DNER: variants seen among roughly 807,000 people sequenced by gnomAD.
DNER encodes the protein delta/notch like EGF repeat containing.
Under a neutral mutation model 78.2 loss-of-function variants are expected in DNER, and 33 were observed. That is an observed-to-expected ratio of 0.42 (90% CI 0.32 to 0.56). DNER has a LOEUF of 0.56. Ranked by LOEUF, DNER falls within the 20% of genes least tolerant of loss-of-function variation. DNER has a pLI of 0.11. For synonymous variants in DNER, 417 were observed against 384.8 expected (o/e 1.08, Z -0.98); for missense variants, 918 against 975.3 (o/e 0.94, Z 0.78).
At chr2:229,426,156 T>TG (rs1486769568) in intron 8 of DNER, among the ~76,000 whole-genome samples, 9 of 151,964 alleles carry the variant, frequency 5.9e-5, no homozygotes, top group Non-Finnish European at 1.0e-4. Context: ...GTTAAAGATA[T>TG]GGGGGCCGGG....
chr2:229,503,428 GA>G lies in DNER; in HGVS notation c.1147+9354del, dbSNP rs150983427. Reference sequence around the variant, plus strand: ...GTTGAGTAAAAATAAATGACAAATGGAAAAAGGAGAAATAGTAGCTGAGGGT... The same window carrying G: ...GTTGAGTAAAAATAAATGACAAATGGAAAAGGAGAAATAGTAGCTGAGGGT... On this transcript the variant is annotated intron_variant, in intron 6 of 12. Transcript: ENST00000341772. Among the ~76,000 whole-genome samples the G allele has an allele frequency of 4.5e-4, 69 of 152,236 alleles. No individual in the cohort carries two copies. The East Asian group carries it at 0.013, about 28-fold the overall frequency.
In DNER at chr2:229,662,301, C is replaced by G. The variant is rs946130412; in HGVS notation, c.276+51847G>C. Among the ~76,000 whole-genome samples the G allele has an allele frequency of 2.0e-5, 3 of 152,134 alleles. No individual in the cohort carries two copies. The South Asian group carries it at 6.2e-4, about 31-fold the overall frequency. On this transcript the variant is annotated intron_variant, in intron 1 of 12. Transcript: ENST00000341772. ...TCATTGATTCTGTGTCTTGGAGCAGCCTCATCCAAAAGGGTACACTGTTGA... is the reference window on the plus strand; with the variant it reads ...TCATTGATTCTGTGTCTTGGAGCAGGCTCATCCAAAAGGGTACACTGTTGA...
chr2:229,516,753 C>A (rs1695980605), intron 5 of DNER, among the ~76,000 whole-genome samples: 2 of 146,014 alleles, frequency 1.4e-5, no homozygotes, highest in Non-Finnish European at 1.5e-5. Context: ...CCACTGCACT[C>A]TAGCCTGGGT....
At chr2:229,556,866 A>C (rs1441300148) in intron 4 of DNER, among the ~76,000 whole-genome samples, 2 of 152,220 alleles carry the variant, frequency 1.3e-5, no homozygotes, top group Non-Finnish European at 2.9e-5. Context: ...CAAGCATGTT[A>C]TTTGCAGCAA....
At chr2:229,665,141 T>C (rs1214536578) in intron 1 of DNER, among the ~76,000 whole-genome samples, 1 of 152,150 alleles carries the variant, frequency 6.6e-6, no homozygotes, top group Non-Finnish European at 1.5e-5. Flanking sequence ...AATGCCCACC[T>C]AGATCAGATT....
At chr2:229,366,745 A>G in intron 12 of DNER, 128 bp downstream of exon 12, 1 of 1,411,360 alleles carries the variant, frequency 7.1e-7, no homozygotes, top group Non-Finnish European at 9.6e-7. Context: ...CCCAAATACA[A>G]TGTGGAACCT....
chr2:229,421,162 C>G (rs1305055778), intron 8 of DNER, among the ~76,000 whole-genome samples: 1 of 152,036 alleles, frequency 6.6e-6, no homozygotes, highest in African/African-American at 2.4e-5. Context: ...ATGAAATAAG[C>G]CAGTCACAGA....
intron 7 of DNER, among the ~76,000 whole-genome samples, chr2:229,466,162 C>A (rs767671356): frequency 1.3e-5 from 2 of 152,132 alleles, no homozygotes; most frequent in African/African-American, 4.8e-5. Context: ...ATTCATGGTG[C>A]CCTTGTCCAC....
chr2:229,714,258 C>G lies in DNER; in HGVS notation c.166G>C (p.Gly56Arg), dbSNP rs1269905269. The G allele has an allele frequency of 7.8e-6, 11 of 1,409,926 alleles. No homozygotes were observed. Among genetic ancestry groups the G allele is most frequent in the Non-Finnish European group, 1.0e-5 (11 of 1,083,818 alleles). 87.3% of individuals were successfully genotyped at this position (1,409,926 alleles called of 1,614,324 possible). Reference protein sequence around the residue: ...GPCAAQPCRNGGVCTSRPEPD... With the variant: ...GPCAAQPCRNRGVCTSRPEPD... ...TCAGGGCGCGAGGTGCACACACCCC[C>G]ATTCCGGCAGGGCTGCGCGGCGCAC... is the stretch of plus-strand genomic sequence containing the variant. Residue 56 changes from glycine (G) to arginine (R), a missense_variant, in exon 1 of 13, where the codon GGG (glycine) becomes CGG (arginine). Transcript: ENST00000341772.
chr2:229,521,182 G>T (rs746760086), intron 5 of DNER, among the ~76,000 whole-genome samples: 5 of 152,222 alleles, frequency 3.3e-5, no homozygotes, highest in Non-Finnish European at 7.3e-5. Flanking sequence ...TTTGCTCCTA[G>T]TTAATGGAGG....
chr2:229,395,706 CT>C (rs1693122116), intron 10 of DNER, among the ~76,000 whole-genome samples: 1 of 152,166 alleles, frequency 6.6e-6, no homozygotes, highest in Non-Finnish European at 1.5e-5. Flanking sequence ...CGAGACTACC[CT>C]GGCCAACATG....
At chr2:229,682,936 T>C (rs1211133913) in intron 1 of DNER, among the ~76,000 whole-genome samples, 4 of 152,202 alleles carry the variant, frequency 2.6e-5, no homozygotes, top group Non-Finnish European at 5.9e-5. Flanking sequence ...GCAAGGGTTA[T>C]TGCTTTCAAC....
At chr2:229,506,864 A>G (rs1695756344) in intron 6 of DNER, among the ~76,000 whole-genome samples, 2 of 152,188 alleles carry the variant, frequency 1.3e-5, no homozygotes, top group Admixed American at 1.3e-4. Flanking sequence ...CTGAAAGTCA[A>G]AGTATTACAA....
At chr2:229,390,906 G>A (rs187389485) in intron 10 of DNER, among the ~76,000 whole-genome samples, 102 of 152,194 alleles carry the variant, frequency 6.7e-4, no homozygotes, top group African/African-American at 2.2e-3. Context: ...TTATTCCTTG[G>A]GTTTATTGTA....
At chr2:229,569,105 G>A (rs183129114) in intron 4 of DNER, among the ~76,000 whole-genome samples, 3 of 152,302 alleles carry the variant, frequency 2.0e-5, no homozygotes, top group African/African-American at 7.2e-5. Flanking sequence ...ATGGATGGAT[G>A]CGTATCTATG....
intron 6 of DNER, among the ~76,000 whole-genome samples, chr2:229,486,670 C>T (rs1695282728): frequency 6.6e-6 from 1 of 152,198 alleles, no homozygotes; most frequent in Non-Finnish European, 1.5e-5. Flanking sequence ...TTGCACCATG[C>T]TTGGCATGTC....
At chr2:229,449,006 G>C (rs1332097191) in intron 7 of DNER, among the ~76,000 whole-genome samples, 1 of 152,020 alleles carries the variant, frequency 6.6e-6, no homozygotes, top group Non-Finnish European at 1.5e-5. Flanking sequence ...TCATAAATTG[G>C]CATAATCAAC....
At chr2:229,574,801 TC>T (rs1697268674) in intron 4 of DNER, among the ~76,000 whole-genome samples, 1 of 152,112 alleles carries the variant, frequency 6.6e-6, no homozygotes, top group South Asian at 2.1e-4. Context: ...TTCTCTTTCT[TC>T]CTCTCTCCAA....
intron 9 of DNER, among the ~76,000 whole-genome samples, chr2:229,414,690 G>A (rs1693606093): frequency 6.6e-6 from 1 of 152,130 alleles, no homozygotes; most frequent in Non-Finnish European, 1.5e-5. Context: ...CAAGAGTGGT[G>A]GACACAGCCT....
Sources: allele counts gnomAD v4.1 joint callset (sites outside exome capture counted in the v4.1 genomes callset), GRCh38; gene constraint gnomAD v4.1.1; transcripts MANE v1.5; gene names NCBI Gene and HGNC (gene_info 2026-07-23, HGNC 2026-07-21).